The following LEPR variants were observed in gnomAD, a reference collection of about 807,000 sequenced individuals.
LEPR encodes OB receptor.
LEPR carries 56 observed loss-of-function variants against 114.7 expected under a neutral mutation model. The observed-to-expected ratio is 0.49, with a 90% CI of 0.39 to 0.61. The LOEUF (loss-of-function observed/expected upper bound fraction) is 0.61. Among genes scored for constraint, LEPR ranks in the 20% least tolerant of loss-of-function variants. The pLI, the probability that LEPR is intolerant of heterozygous loss-of-function variation, is 0.00. For synonymous variants in LEPR, 443 were observed against 461.4 expected, an observed-to-expected ratio of 0.96 and a Z score of 0.51; for missense variants, 1,202 against 1,352.9, an observed-to-expected ratio of 0.89 and a Z score of 1.75.
intron 2 of LEPR, among the ~76,000 whole-genome samples, chr1:65,454,888 G>C (rs1243898214): frequency 3.9e-5 from 6 of 152,106 alleles, no homozygotes; most frequent in Non-Finnish European, 8.8e-5. Flanking sequence ...TTTCCAACTT[G>C]GTTCCATTCT....
intron 2 of LEPR, chr1:65,433,045 A>C: frequency 2.0e-6 from 2 of 985,338 alleles, no homozygotes; most frequent in Non-Finnish European, 2.4e-6. Flanking sequence ...AGCTCCACTG[A>C]GATGCGGGCA....
intron 2 of LEPR, chr1:65,433,531 A>G (rs769352091): frequency 1.8e-5 from 18 of 985,394 alleles, no homozygotes; most frequent in Non-Finnish European, 2.2e-5. Flanking sequence ...AAAACACTTA[A>G]TCCTTGAGGC....
chr1:65,461,494 GAGCAACAAAGTCAACAA>G (rs1156579069), intron 2 of LEPR, among the ~76,000 whole-genome samples: 1 of 152,144 alleles, frequency 6.6e-6, no homozygotes, highest in African/African-American at 2.4e-5. Flanking sequence ...AGAAAAACTT[GAGCAACAAAGTCAACAA>G]AATAGTATTG....
intron 2 of LEPR, among the ~76,000 whole-genome samples, chr1:65,518,081 T>A (rs1026521036): frequency 1.3e-5 from 2 of 152,244 alleles, no homozygotes; most frequent in Non-Finnish European, 2.9e-5. Flanking sequence ...TGATTAGGTT[T>A]CTGGTAGGCC....
intron 2 of LEPR, chr1:65,433,076 GCC>G (rs1193094522): frequency 1.0e-6 from 1 of 985,238 alleles, no homozygotes; most frequent in African/African-American, 1.7e-5. Context: ...GCTCGAGCCA[GCC>G]CCTGCGTTAG....
intron 2 of LEPR, among the ~76,000 whole-genome samples, chr1:65,544,627 A>G (rs1293369402): frequency 6.6e-6 from 1 of 151,344 alleles, no homozygotes; most frequent in Admixed American, 6.6e-5. Context: ...TACCTAGTTT[A>G]TTGAGCGTTT....
chr1:65,544,723 T>A (rs1032735374), intron 2 of LEPR, among the ~76,000 whole-genome samples: 1 of 149,126 alleles, frequency 6.7e-6, no homozygotes, highest in Non-Finnish European at 1.5e-5. Flanking sequence ...CATATAAATA[T>A]AATAGAATAT....
intron 2 of LEPR, among the ~76,000 whole-genome samples, chr1:65,426,690 A>G (rs1646378953): frequency 1.3e-5 from 2 of 152,198 alleles, no homozygotes; most frequent in Admixed American, 6.5e-5. Context: ...ATTGGCTTGA[A>G]CAACTAGATA....
chr1:65,508,201 A>G (rs916642524), intron 2 of LEPR, among the ~76,000 whole-genome samples: 2 of 152,096 alleles, frequency 1.3e-5, no homozygotes, highest in Non-Finnish European at 2.9e-5. Flanking sequence ...ACGCAATCCC[A>G]TCTGTCTATT....
chr1:65,491,630 G>A (rs1400559397), intron 2 of LEPR, among the ~76,000 whole-genome samples: 1 of 152,034 alleles, frequency 6.6e-6, no homozygotes. Context: ...GAACCTCAAG[G>A]TATCTATGGC....
chr1:65,500,787 C>T (rs565022504), intron 2 of LEPR, among the ~76,000 whole-genome samples: 37 of 152,142 alleles, frequency 2.4e-4, no homozygotes, highest in African/African-American at 6.5e-4. Context: ...TTCTACTGCA[C>T]GAGGTGTTGG....
At chr1:65,519,692 A>G (rs575555124) in intron 2 of LEPR, among the ~76,000 whole-genome samples, 63 of 151,958 alleles carry the variant, frequency 4.1e-4, no homozygotes, top group African/African-American at 1.4e-3. Flanking sequence ...AGGAAGTGAG[A>G]AGGTCTTGAT....
At chr1:65,546,748 C>T (rs1267694734) in intron 2 of LEPR, among the ~76,000 whole-genome samples, 2 of 152,186 alleles carry the variant, frequency 1.3e-5, no homozygotes, top group Non-Finnish European at 2.9e-5. Flanking sequence ...ATCATGTCAT[C>T]TGCAAACAGG....
In LEPR at chr1:65,618,333, T is replaced by C. The variant is rs72641130; in HGVS notation, c.2395+187T>C. Among the ~76,000 whole-genome samples the C allele has an allele frequency of 3.1e-3, 400 of 129,180 alleles. 9 individuals carry two copies. In the East Asian group the frequency reaches 0.056, roughly 18 times the overall value. 84.7% of individuals were successfully genotyped at this position (129,180 alleles called of 152,430 possible). On this transcript the variant is annotated intron_variant, in intron 16 of 19. Coordinates refer to ENST00000349533, the MANE Select transcript of LEPR (RefSeq NM_002303.6). ...TCTTCCTCTTCTCTTCTCTTCTCTT[T>C]TCTTTTCTTTTCGGCAGGGTCTCTC...
chr1:65,624,589 C>A (rs1350964289), intron 19 of LEPR, among the ~76,000 whole-genome samples: 1 of 152,118 alleles, frequency 6.6e-6, no homozygotes, highest in Non-Finnish European at 1.5e-5. Context: ...TACCTTCCAA[C>A]CTAGTACACC....
intron 2 of LEPR, among the ~76,000 whole-genome samples, chr1:65,470,596 A>G (rs1201552337): frequency 1.3e-5 from 2 of 152,190 alleles, no homozygotes; most frequent in Non-Finnish European, 2.9e-5. Flanking sequence ...AAATAAGCAA[A>G]CAGAGGGAAA....
intron 2 of LEPR, among the ~76,000 whole-genome samples, chr1:65,539,446 A>G (rs1376857053): frequency 6.6e-6 from 1 of 152,162 alleles, no homozygotes; most frequent in African/African-American, 2.4e-5. Flanking sequence ...TTATCAACTG[A>G]TAGGCTTCAT....
chr1:65,500,041 G>A (rs758721019), intron 2 of LEPR, among the ~76,000 whole-genome samples: 1 of 152,100 alleles, frequency 6.6e-6, no homozygotes, highest in Non-Finnish European at 1.5e-5. Flanking sequence ...TCTCATAATA[G>A]TGAATGAGTT....
intron 2 of LEPR, among the ~76,000 whole-genome samples, chr1:65,540,315 A>C (rs1163393145): frequency 6.6e-6 from 1 of 152,044 alleles, no homozygotes; most frequent in South Asian, 2.1e-4. Flanking sequence ...GTCCCCTCCA[A>C]ATCTCACGTT....
Sources: allele counts gnomAD v4.1 joint callset (sites outside exome capture counted in the v4.1 genomes callset), GRCh38; gene constraint gnomAD v4.1.1; transcripts MANE v1.5; gene names NCBI Gene and HGNC (gene_info 2026-07-23, HGNC 2026-07-21).